The following KCTD16 variants were observed in gnomAD, a reference collection of about 807,000 sequenced individuals.
The protein encoded by KCTD16 is BTB/POZ domain-containing protein KCTD16.
Under a neutral mutation model 33.2 loss-of-function variants are expected in KCTD16, and 13 were observed. The observed-to-expected ratio is 0.39, with a 90% CI of 0.25 to 0.62. KCTD16 has a LOEUF of 0.62. KCTD16 is among the 20% of genes least tolerant of loss of function. The pLI is 0.50. For missense variants in KCTD16, 441 were observed against 525.1 expected, an observed-to-expected ratio of 0.84 and a Z score of 1.57; for synonymous variants, 197 against 195.3, an observed-to-expected ratio of 1.01 and a Z score of -0.07.
intron 3 of KCTD16, among the ~76,000 whole-genome samples, chr5:144,443,612 GT>G (rs935341734): frequency 3.9e-5 from 6 of 152,122 alleles, no homozygotes; most frequent in African/African-American, 4.8e-5. Context: ...AGATGATGAA[GT>G]GTTTTTCTGT....
intron 3 of KCTD16, among the ~76,000 whole-genome samples, chr5:144,461,082 T>C (rs993506979): frequency 3.3e-5 from 5 of 152,180 alleles, no homozygotes. Flanking sequence ...AGCACAAGAA[T>C]AGAATTAAAT....
intron 3 of KCTD16, among the ~76,000 whole-genome samples, chr5:144,432,637 A>ATG (rs71576198): frequency 0.026 from 4,000 of 150,944 alleles, 67 homozygotes; most frequent in Middle Eastern, 0.041. Flanking sequence ...ATAACACTAA[A>ATG]TGTGTGTGTG....
chr5:144,212,505 A>G (rs182049111), intron 3 of KCTD16, among the ~76,000 whole-genome samples: 90 of 152,292 alleles, frequency 5.9e-4, no homozygotes, highest in Middle Eastern at 3.4e-3. Flanking sequence ...AGAAGACCAA[A>G]TATTTCTAAC....
At chr5:144,330,776 C>T (rs1407345147) in intron 3 of KCTD16, among the ~76,000 whole-genome samples, 1 of 152,188 alleles carries the variant, frequency 6.6e-6, no homozygotes, top group Non-Finnish European at 1.5e-5. Context: ...CCAAGGTAGG[C>T]TGTTAAATGG....
intron 3 of KCTD16, among the ~76,000 whole-genome samples, chr5:144,298,435 A>T (rs1334389318): frequency 6.6e-6 from 1 of 152,192 alleles, no homozygotes; most frequent in African/African-American, 2.4e-5. Flanking sequence ...TACAGAGAGA[A>T]GCTGGTTCTG....
chr5:144,372,748 C>A (rs375961559), intron 3 of KCTD16, among the ~76,000 whole-genome samples: 7 of 152,092 alleles, frequency 4.6e-5, no homozygotes, highest in African/African-American at 1.7e-4. Flanking sequence ...ATGTATGAGG[C>A]CTGGCCAGGG....
intron 3 of KCTD16, among the ~76,000 whole-genome samples, chr5:144,426,118 G>T (rs1277232703): frequency 6.6e-6 from 1 of 152,144 alleles, no homozygotes; most frequent in East Asian, 1.9e-4. Flanking sequence ...ACAGCAGAAT[G>T]AATGTATTGC....
chr5:144,317,272 G>A (rs1561564965), intron 3 of KCTD16, among the ~76,000 whole-genome samples: 2 of 152,002 alleles, frequency 1.3e-5, no homozygotes, highest in South Asian at 4.2e-4. Flanking sequence ...AGACTGGGCC[G>A]GCACTAAAAA....
intron 3 of KCTD16, among the ~76,000 whole-genome samples, chr5:144,427,113 A>G (rs1753349431): frequency 6.6e-6 from 1 of 152,142 alleles, no homozygotes; most frequent in South Asian, 2.1e-4. Flanking sequence ...GCTGAGTATG[A>G]TTGGTAGCAG....
intron 3 of KCTD16, among the ~76,000 whole-genome samples, chr5:144,342,440 T>G (rs1006276132): frequency 5.6e-4 from 86 of 152,324 alleles, no homozygotes; most frequent in Non-Finnish European, 1.1e-3. Flanking sequence ...CCTGAGACTT[T>G]GCTGAAGTTG....
chr5:144,210,475 A>G (rs898396708), intron 3 of KCTD16, among the ~76,000 whole-genome samples: 16 of 152,294 alleles, frequency 1.1e-4, no homozygotes, highest in East Asian at 5.8e-4. Context: ...TATTTTAGAC[A>G]TGTCCTTTGC....
At chr5:144,296,907 T>C (rs1756053292) in intron 3 of KCTD16, among the ~76,000 whole-genome samples, 1 of 152,238 alleles carries the variant, frequency 6.6e-6, no homozygotes, top group Non-Finnish European at 1.5e-5. Context: ...CATATGTGAA[T>C]AATGGATTTC....
At chr5:144,279,646 G>C (rs1011975147) in intron 3 of KCTD16, among the ~76,000 whole-genome samples, 4 of 152,230 alleles carry the variant, frequency 2.6e-5, no homozygotes, top group Non-Finnish European at 5.9e-5. Flanking sequence ...GGACAAGAGA[G>C]TGTGAGAGCA....
intron 3 of KCTD16, among the ~76,000 whole-genome samples, chr5:144,356,486 AGAAAGATTCT>A (rs1368570164): frequency 6.6e-6 from 1 of 152,164 alleles, no homozygotes; most frequent in Admixed American, 6.6e-5. Flanking sequence ...GCAACCATTC[AGAAAGATTCT>A]GAAAGGTCAG....
chr5:144,324,869 T>C (rs1004910676), intron 3 of KCTD16, among the ~76,000 whole-genome samples: 1 of 152,102 alleles, frequency 6.6e-6, no homozygotes, highest in African/African-American at 2.4e-5. Context: ...AAGTGGGAGC[T>C]GAATAATGAT....
rs1006801925 is a variant in KCTD16 at position 144,477,119 on chromosome 5, C to A, written c.*3005C>A. 3.3e-5 allele frequency: 5 copies of A among 152,012 alleles called. No individual in the cohort carries two copies. Among genetic ancestry groups the A allele is most frequent in the Admixed American group, 2.6e-4 (4 of 15,224 alleles). 9.4% of individuals were successfully genotyped at this position (152,012 alleles called of 1,614,324 possible). On this transcript the variant is annotated 3_prime_UTR_variant, in exon 4 of 4. Transcript: ENST00000512467. The stretch of plus-strand genomic sequence containing the variant: ...AAGTCAGAAACATATTTACAAAGTC[C>A]TTCTACCCACTATCAAAAATGAACT...
intron 2 of KCTD16, among the ~76,000 whole-genome samples, chr5:144,188,405 T>C (rs1207174172): frequency 6.6e-6 from 1 of 152,226 alleles, no homozygotes; most frequent in Non-Finnish European, 1.5e-5. Context: ...AGAATGCATT[T>C]CCTGATGGAG....
At chr5:144,384,514 T>G (rs985059917) in intron 3 of KCTD16, among the ~76,000 whole-genome samples, 1 of 152,218 alleles carries the variant, frequency 6.6e-6, no homozygotes, top group Non-Finnish European at 1.5e-5. Flanking sequence ...ATTTTATTTA[T>G]TTTTTCATTA....
chr5:144,224,226 C>T (rs949188629), intron 3 of KCTD16, among the ~76,000 whole-genome samples: 3 of 151,802 alleles, frequency 2.0e-5, no homozygotes, highest in Non-Finnish European at 2.9e-5. Context: ...TTTATAACAA[C>T]AAAAACAATT....
Sources: allele counts gnomAD v4.1 joint callset (sites outside exome capture counted in the v4.1 genomes callset), GRCh38; gene constraint gnomAD v4.1.1; transcripts MANE v1.5; gene names NCBI Gene and HGNC (gene_info 2026-07-23, HGNC 2026-07-21).